PSD3: variants seen among roughly 807,000 people sequenced by gnomAD.
PSD3 encodes the protein pleckstrin and Sec7 domain containing 3.
Under a neutral mutation model 105.5 loss-of-function variants are expected in PSD3, and 49 were observed. The ratio of observed to expected loss-of-function variants is 0.46; its 90% confidence interval spans 0.37 to 0.59. The LOEUF (loss-of-function observed/expected upper bound fraction) is 0.59. PSD3 is among the 20% of genes least tolerant of loss of function. The pLI is 0.00. For missense variants in PSD3, 1,561 were observed against 1,263.8 expected (o/e 1.24, Z -3.57); for synonymous variants, 557 against 457.8 (o/e 1.22, Z -2.77).
intron 9 of PSD3, among the ~76,000 whole-genome samples, chr8:18,670,310 G>C (rs1799706978): frequency 6.6e-6 from 1 of 152,204 alleles, no homozygotes; most frequent in Admixed American, 6.5e-5. Flanking sequence ...AGGTCCCGAA[G>C]GGCTTTTAAA....
chr8:19,038,027 C>T (rs1828000587), intron 1 of PSD3, among the ~76,000 whole-genome samples: 2 of 151,340 alleles, frequency 1.3e-5, no homozygotes, highest in African/African-American at 4.8e-5. Flanking sequence ...CCTATTGATT[C>T]TGCTGGTTCT....
At chr8:18,701,405 C>T (rs543203869) in intron 9 of PSD3, among the ~76,000 whole-genome samples, 14 of 152,218 alleles carry the variant, frequency 9.2e-5, no homozygotes, top group African/African-American at 3.1e-4. Flanking sequence ...AAATTTTAAA[C>T]TCATATACAG....
chr8:18,621,245 T>C (rs1026599262), intron 11 of PSD3, among the ~76,000 whole-genome samples: 2 of 152,082 alleles, frequency 1.3e-5, no homozygotes, highest in African/African-American at 2.4e-5. Flanking sequence ...GCTTCTCTAC[T>C]AAAAACACAA....
At chr8:18,972,711 C>T (rs963200366) in intron 1 of PSD3, among the ~76,000 whole-genome samples, 2 of 152,206 alleles carry the variant, frequency 1.3e-5, no homozygotes, top group African/African-American at 2.4e-5. Context: ...ACTCTGTTTA[C>T]ACCATGTAAG....
chr8:18,817,411 T>C (rs1402507492), intron 4 of PSD3, among the ~76,000 whole-genome samples: 4 of 152,160 alleles, frequency 2.6e-5, no homozygotes, highest in African/African-American at 9.7e-5. Context: ...ATTCAGAGCA[T>C]ACTCTCCCCA....
chr8:18,828,062 TATATA>T (rs1813365304), intron 4 of PSD3, among the ~76,000 whole-genome samples: 2 of 112,412 alleles, frequency 1.8e-5, no homozygotes, highest in African/African-American at 7.4e-5. Flanking sequence ...TATATATATA[TATATA>T]TTTTTTTTTT....
At chr8:18,793,115 A>G (rs1195115094) in intron 8 of PSD3, among the ~76,000 whole-genome samples, 2 of 152,110 alleles carry the variant, frequency 1.3e-5, no homozygotes, top group Non-Finnish European at 2.9e-5. Context: ...CATAGGTGGG[A>G]ACTGAACAAT....
chr8:19,030,190 A>AT (rs1313488996), intron 1 of PSD3, among the ~76,000 whole-genome samples: 1 of 152,118 alleles, frequency 6.6e-6, no homozygotes, highest in Non-Finnish European at 1.5e-5. Context: ...TGGGTATTGA[A>AT]TTTTGCCAAA....
chr8:18,645,610 C>T (rs934736692), intron 10 of PSD3, among the ~76,000 whole-genome samples: 2 of 152,180 alleles, frequency 1.3e-5, no homozygotes, highest in African/African-American at 4.8e-5. Flanking sequence ...CTAGTACTAA[C>T]ATTAGCATTA....
intron 4 of PSD3, among the ~76,000 whole-genome samples, chr8:18,851,432 C>T (rs542006044): frequency 6.6e-6 from 1 of 152,342 alleles, no homozygotes; most frequent in African/African-American, 2.4e-5. Flanking sequence ...ACTAAAATCC[C>T]AGCTGGAACC....
chr8:18,744,568 C>T (rs73199949), intron 9 of PSD3, among the ~76,000 whole-genome samples: 9,407 of 152,190 alleles, frequency 0.062, 324 homozygotes, highest in Middle Eastern at 0.078. Flanking sequence ...TACCTTTGTA[C>T]GTTTAACTAC....
chr8:18,944,667 G>A (rs535379714), intron 1 of PSD3, among the ~76,000 whole-genome samples: 6 of 152,078 alleles, frequency 3.9e-5, no homozygotes, highest in African/African-American at 4.8e-5. Context: ...GAATTATTAC[G>A]CTGTGGAAAG....
chr8:19,078,908 G>A (rs1300422474), intron 1 of PSD3, among the ~76,000 whole-genome samples: 1 of 151,502 alleles, frequency 6.6e-6, no homozygotes, highest in Non-Finnish European at 1.5e-5. Context: ...GAAGATAGCA[G>A]AGGAGAGATG....
At chr8:18,708,038 G>A (rs1029984550) in intron 9 of PSD3, among the ~76,000 whole-genome samples, 1 of 152,130 alleles carries the variant, frequency 6.6e-6, no homozygotes, top group Non-Finnish European at 1.5e-5. Flanking sequence ...AGAAATGTTG[G>A]CCAATTATGT....
intron 4 of PSD3, among the ~76,000 whole-genome samples, chr8:18,863,699 G>C (rs945477237): frequency 2.0e-5 from 3 of 152,128 alleles, no homozygotes; most frequent in African/African-American, 7.2e-5. Context: ...CTTACACAGA[G>C]TGAGCCGCTT....
At chr8:18,787,094 A>T (rs905949472) in intron 8 of PSD3, among the ~76,000 whole-genome samples, 1 of 152,200 alleles carries the variant, frequency 6.6e-6, no homozygotes, top group Non-Finnish European at 1.5e-5. Flanking sequence ...CGAATAAAGC[A>T]AATTCTAATC....
At chr8:18,972,842 C>A (rs189961681) in intron 1 of PSD3, among the ~76,000 whole-genome samples, 1 of 152,240 alleles carries the variant, frequency 6.6e-6, no homozygotes, top group Non-Finnish European at 1.5e-5. Context: ...TAATTTGCTA[C>A]AGCAGCTCAA....
At chr8:18,647,282 A>G (rs191926084) in intron 10 of PSD3, among the ~76,000 whole-genome samples, 1 of 152,344 alleles carries the variant, frequency 6.6e-6, no homozygotes, top group African/African-American at 2.4e-5. Flanking sequence ...ATCATAACAC[A>G]TGACTGGAAG....
intron 9 of PSD3, among the ~76,000 whole-genome samples, chr8:18,724,065 T>C (rs1803177146): frequency 2.0e-5 from 3 of 152,128 alleles, no homozygotes; most frequent in African/African-American, 7.2e-5. Flanking sequence ...TGAGGGTTAA[T>C]GATAATAGAC....
Sources: gnomAD v4.1 joint callset for allele counts (sites outside exome capture counted in the v4.1 genomes callset) on GRCh38, gnomAD v4.1.1 for gene constraint, MANE v1.5 for transcripts, NCBI Gene and HGNC (gene_info 2026-07-23, HGNC 2026-07-21) for gene names.